Variants in DIPK1C observed in about 807,000 individuals in gnomAD.
DIPK1C encodes the protein divergent protein kinase domain 1C, also known as familial non-conventional Alzheimer's dementia.
DIPK1C carries 33 observed loss-of-function variants against 28.0 expected under a neutral mutation model. The ratio of observed to expected loss-of-function variants is 1.18; its 90% CI spans 0.89 to 1.58. The LOEUF (loss-of-function observed/expected upper bound fraction) is 1.58, where lower values mean the gene tolerates loss of function less well. DIPK1C is among the 40% of genes most tolerant of loss of function. The probability of loss-of-function intolerance (pLI) is 0.00; values close to 1 mark genes in which losing one functional copy is unlikely to be tolerated. For synonymous variants in DIPK1C, 255 were observed against 248.8 expected (o/e 1.02, Z -0.23); for missense variants, 569 against 568.5 (o/e 1.00, Z -0.01).
At position 74,436,393 on chromosome 18, in the gene DIPK1C, C is replaced by A. The variant is rs1207263520; in HGVS notation, c.*108G>T. On this transcript the variant is annotated 3_prime_UTR_variant, in exon 4 of 4. Coordinates refer to ENST00000343998, the MANE Select transcript of DIPK1C (RefSeq NM_001044369.3). ...CCACTCCACAATGTGGAGACCAGAA[C>A]GGCACCCCAGAGAGCACAGGGGAAA... The A allele has an allele frequency of 8.9e-7, 1 of 1,118,558 alleles. No individual in the cohort carries two copies. Among genetic ancestry groups the A allele is most frequent in the Non-Finnish European group, 1.2e-6 (1 of 800,834 alleles). 69.3% of individuals were successfully genotyped at this position (1,118,558 alleles called of 1,614,324 possible).
chr18:74,444,596 G>T (rs1306940578), intron 2 of DIPK1C, among the ~76,000 whole-genome samples: 2 of 152,240 alleles, frequency 1.3e-5, no homozygotes, highest in African/African-American at 2.4e-5. Flanking sequence ...CTGAAAGTTT[G>T]CATTTCTAAA....
At chr18:74,441,558 C>T (rs1986124520) in intron 3 of DIPK1C, among the ~76,000 whole-genome samples, 1 of 152,212 alleles carries the variant, frequency 6.6e-6, no homozygotes, top group Non-Finnish European at 1.5e-5. Flanking sequence ...TTCTGTCTAA[C>T]CTCTAGTTAG....
chr18:74,456,594 G>C (rs1323020191), intron 1 of DIPK1C, among the ~76,000 whole-genome samples: 1 of 152,224 alleles, frequency 6.6e-6, no homozygotes, highest in Non-Finnish European at 1.5e-5. Flanking sequence ...TGACCTGGCA[G>C]CTCAGGGTGG....
rs1372070443 is a variant in DIPK1C at position 74,447,268 on chromosome 18, C to T, written c.214G>A (p.Gly72Ser). The change falls in exon 2 of 4, where the codon GGC becomes AGC. Residue 72 changes from glycine (G) to serine (S), a missense_variant. Coordinates refer to ENST00000343998, the MANE Select transcript of DIPK1C (RefSeq NM_001044369.3). This position sits in a 1 kb window ranked among gnomAD's most constrained non-coding sequence, Gnocchi z 4.1. Reference protein sequence around the residue: ...ILAALCQDYQGGTLAGDLCED... With the variant: ...ILAALCQDYQSGTLAGDLCED... The stretch of plus-strand genomic sequence containing the variant: ...CAGAGGTCCCCGGCCAGCGTGCCGC[C>T]CTGGTAGTCCTGGCACTGGAAGGAA... The T allele has an allele frequency of 6.5e-7, 1 of 1,534,406 alleles. No homozygotes were observed. The highest frequency in any genetic ancestry group is 2.0e-5 in the Admixed American group (1 of 50,098).
chr18:74,436,511 G>A lies in DIPK1C; in HGVS notation c.1250C>T (p.Ala417Val). Residue 417 changes from alanine (A) to valine (V), a missense_variant, in exon 4 of 4, where the codon GCA becomes GTA. By Grantham distance (64) the Ala-to-Val change is moderately conservative. Coordinates refer to ENST00000343998, the MANE Select transcript of DIPK1C (RefSeq NM_001044369.3). ...AAGGCCAGAGAGTGGCTACTTCTCT[G>A]CCTCCTGCAGCTCCCTCAGTGTGGC... ...LQATLRELQE[A>V]EK 6.2e-7 allele frequency: 1 copy of A among 1,602,820 alleles called. No homozygotes were observed. Among genetic ancestry groups the A allele is most frequent in the South Asian group, 1.1e-5 (1 of 89,212 alleles).
At chr18:74,446,536 C>G in intron 2 of DIPK1C, 70 bp downstream of exon 2, 1 of 1,339,460 alleles carries the variant, frequency 7.5e-7, no homozygotes, top group Non-Finnish European at 9.7e-7. Context: ...CAGAAACCTT[C>G]TCATTTCCTT....
At chr18:74,455,671 T>G (rs146389556) in intron 1 of DIPK1C, among the ~76,000 whole-genome samples, 1,966 of 138,184 alleles carry the variant, frequency 0.014, 38 homozygotes, top group African/African-American at 0.05. Flanking sequence ...GAGGTTGCGG[T>G]GAGCCGAGAT....
In DIPK1C at chr18:74,436,336, C is replaced by T. The variant is rs527789051; in HGVS notation, c.*165G>A. On this transcript the variant is annotated 3_prime_UTR_variant, in exon 4 of 4. Coordinates refer to ENST00000343998, the MANE Select transcript of DIPK1C (RefSeq NM_001044369.3). ...GTCAGAGGCCAGGGTGGGACGAGAG[C>T]GAGGGAGCACTGTCTCTGGCAGCAG... 2.1e-5 allele frequency: 14 copies of T among 679,550 alleles called. No individual in the cohort carries two copies. The East Asian group carries it at 3.3e-4, about 16-fold the overall frequency. 42.1% of individuals were successfully genotyped at this position (679,550 alleles called of 1,614,324 possible).
intron 2 of DIPK1C, among the ~76,000 whole-genome samples, chr18:74,443,956 G>C (rs539499481): frequency 7.9e-5 from 12 of 152,022 alleles, no homozygotes; most frequent in African/African-American, 2.7e-4. Flanking sequence ...GGGAGAGCCA[G>C]GTTTATTTTT....
chr18:74,456,920 G>C, intron 1 of DIPK1C, 142 bp downstream of exon 1: 1 of 902,896 alleles, frequency 1.1e-6, no homozygotes, highest in South Asian at 2.6e-5. Flanking sequence ...TGCGCCTCTG[G>C]CACTCCACGC....
intron 1 of DIPK1C, among the ~76,000 whole-genome samples, chr18:74,453,890 G>A (rs2144530279): frequency 6.6e-6 from 1 of 152,262 alleles, no homozygotes; most frequent in Admixed American, 6.5e-5. Flanking sequence ...CATAGAGGTT[G>A]TTGAGGGAAT....
chr18:74,461,134 C>G (rs1426690982), upstream of DIPK1C, among the ~76,000 whole-genome samples: 1 of 152,172 alleles, frequency 6.6e-6, no homozygotes, highest in Non-Finnish European at 1.5e-5. Flanking sequence ...TGGGCCAAGG[C>G]ACAGGATCCT....
chr18:74,445,635 C>T (rs903768773), intron 2 of DIPK1C, among the ~76,000 whole-genome samples: 1 of 152,184 alleles, frequency 6.6e-6, no homozygotes, highest in African/African-American at 2.4e-5. Flanking sequence ...AAGAGCACGA[C>T]CCCACCATGA....
Position 74,457,279 on chromosome 18 carries a change from C to T in DIPK1C, c.-20G>A, listed in dbSNP as rs1986539046. The T allele has an allele frequency of 1.0e-6, 1 of 985,120 alleles. No homozygotes were observed. Among genetic ancestry groups the T allele is most frequent in the East Asian group, 1.1e-4 (1 of 8,842 alleles). 61.0% of individuals were successfully genotyped at this position (985,120 alleles called of 1,614,324 possible). On this transcript the variant is annotated 5_prime_UTR_variant, in exon 1 of 4. Coordinates refer to ENST00000343998, the MANE Select transcript of DIPK1C (RefSeq NM_001044369.3). ...CGCCATGGCCAGCCCTGCCCGCGCCCGGGCCCCACCGCCGCCCGCGCCCCG... is the reference window on the plus strand; with the variant it reads ...CGCCATGGCCAGCCCTGCCCGCGCCTGGGCCCCACCGCCGCCCGCGCCCCG...
At chr18:74,459,867 C>T (rs1201381613), upstream of DIPK1C, among the ~76,000 whole-genome samples, 1 of 152,186 alleles carries the variant, frequency 6.6e-6, no homozygotes, top group Non-Finnish European at 1.5e-5. Context: ...ATCACACCCT[C>T]TCAAGCTCTG....
rs1277856246 is a variant in DIPK1C, at chr18:74,447,275, G to T, written c.207C>A (p.Asp69Glu). ...CCCCGGCCAGCGTGCCGCCCTGGTA[G>T]TCCTGGCACTGGAAGGAAGGGAACA... is the stretch of plus-strand genomic sequence containing the variant. Reference protein sequence around the residue: ...SRRILAALCQDYQGGTLAGDL... With the variant: ...SRRILAALCQEYQGGTLAGDL... The change falls in exon 2 of 4, where the codon GAC becomes GAA. Residue 69 changes from aspartate to glutamate, a missense_variant. Asp to Glu is a conservative substitution (Grantham distance 45). Transcript: ENST00000343998. The surrounding 1 kb of genome is among the most constrained non-coding windows in gnomAD (Gnocchi z 4.1). 2.6e-6 allele frequency: 4 copies of T among 1,532,390 alleles called. No homozygotes were observed. In the African/African-American group the frequency reaches 4.1e-5, roughly 16 times the overall value. 94.9% of individuals were successfully genotyped at this position (1,532,390 alleles called of 1,614,324 possible). A position where few individuals can be genotyped will look rare whatever the true frequency, so the allele number is the denominator to read the frequency against.
chr18:74,448,645 A>T lies in DIPK1C; in HGVS notation c.199-1362T>A, dbSNP rs144895629. 5.0e-3 allele frequency among the ~76,000 whole-genome samples: 755 copies of T among 152,240 alleles called. 17 individuals carry two copies. Among genetic ancestry groups the T allele is most frequent in the Admixed American group, 0.034 (523 of 15,294 alleles). ...GAAGTGTGTGTGCACACCACAGTGT[A>T]TGCACGAGCACCAGGCATCAGGAGA... On this transcript the variant is annotated intron_variant, in intron 1 of 3. Coordinates refer to ENST00000343998, the MANE Select transcript of DIPK1C (RefSeq NM_001044369.3).
At chr18:74,461,374 T>TCCTTCCTTCCTTCCTTCCTTC (rs1269436594), upstream of DIPK1C, among the ~76,000 whole-genome samples, 1 of 148,582 alleles carries the variant, frequency 6.7e-6, no homozygotes, top group African/African-American at 2.5e-5. Flanking sequence ...CTTCCTTCCT[T>TCCTTCCTTCCTTCCTTCCTTC]CCTTTCTTCC....
At chr18:74,451,743 G>A (rs898637796) in intron 1 of DIPK1C, among the ~76,000 whole-genome samples, 2 of 152,206 alleles carry the variant, frequency 1.3e-5, no homozygotes, top group African/African-American at 4.8e-5. Context: ...AAGTGCAGCA[G>A]GTGACAAAAG....
Sources: allele counts gnomAD v4.1 joint callset (sites outside exome capture counted in the v4.1 genomes callset), GRCh38; gene constraint gnomAD v4.1.1; non-coding constraint Gnocchi (gnomAD v3.1); transcripts MANE v1.5; gene names NCBI Gene and HGNC (gene_info 2026-07-23, HGNC 2026-07-21).